The following SCD5 variants were observed in gnomAD, a reference collection of about 807,000 sequenced individuals.
SCD5 encodes acyl-CoA-desaturase 4.
Under a neutral mutation model 30.4 loss-of-function variants are expected in SCD5, and 20 were observed. The observed-to-expected ratio is 0.66, with a 90% CI of 0.46 to 0.96. SCD5 has a LOEUF of 0.96. Among genes scored for constraint, SCD5 ranks in the 40% least tolerant of loss-of-function variants. The probability of loss-of-function intolerance (pLI) is 0.00; values close to 1 mark genes in which losing one functional copy is unlikely to be tolerated. For synonymous variants in SCD5, 173 were observed against 176.4 expected (o/e 0.98, Z 0.16); for missense variants, 381 against 443.3 (o/e 0.86, Z 1.26).
chr4:82,707,648 C>G (rs1302240466), intron 1 of SCD5, among the ~76,000 whole-genome samples: 1 of 152,186 alleles, frequency 6.6e-6, no homozygotes, highest in Non-Finnish European at 1.5e-5. Context: ...GTTGGGGAGG[C>G]CCATGTGGCA....
intron 3 of SCD5, among the ~76,000 whole-genome samples, chr4:82,665,453 C>T (rs955737593): frequency 1.3e-5 from 2 of 151,282 alleles, no homozygotes; most frequent in African/African-American, 4.9e-5. Context: ...AAGTCAGTGA[C>T]AAAAAAGGAA....
At chr4:82,765,057 T>C (rs919794071) in intron 1 of SCD5, among the ~76,000 whole-genome samples, 2 of 152,234 alleles carry the variant, frequency 1.3e-5, no homozygotes, top group Non-Finnish European at 2.9e-5. Flanking sequence ...AAATTTATTT[T>C]ATATTTATCT....
At chr4:82,736,113 C>T (rs962117003) in intron 1 of SCD5, among the ~76,000 whole-genome samples, 1 of 151,082 alleles carries the variant, frequency 6.6e-6, no homozygotes, top group Non-Finnish European at 1.5e-5. Flanking sequence ...TAGCGAAACA[C>T]CATCTCTACA....
intron 3 of SCD5, among the ~76,000 whole-genome samples, chr4:82,648,669 G>A (rs2148814172): frequency 6.6e-6 from 1 of 152,240 alleles, no homozygotes; most frequent in South Asian, 2.1e-4. Flanking sequence ...TTAATTTCAG[G>A]TCTACCCTGA....
At chr4:82,752,652 C>T (rs1039175075) in intron 1 of SCD5, among the ~76,000 whole-genome samples, 1 of 152,174 alleles carries the variant, frequency 6.6e-6, no homozygotes, top group African/African-American at 2.4e-5. Context: ...TGTCCCCTCA[C>T]CAAAACTGGA....
chr4:82,703,020 A>G (rs1171659986), intron 2 of SCD5, among the ~76,000 whole-genome samples: 2 of 152,220 alleles, frequency 1.3e-5, no homozygotes, highest in Non-Finnish European at 2.9e-5. Flanking sequence ...CAGGTCCATG[A>G]AACACTGAAA....
In SCD5 at chr4:82,631,816, C is replaced by A. The variant is rs143222754; in HGVS notation, c.803-299G>T. Reference sequence around the variant, plus strand: ...AAATGCTAAATGGCTGATAACAGATCATCGTTTTGATGTACAACTGTTTTT... The same window carrying A: ...AAATGCTAAATGGCTGATAACAGATAATCGTTTTGATGTACAACTGTTTTT... On this transcript the variant is annotated intron_variant, in intron 4 of 4. Coordinates refer to ENST00000319540, the MANE Select transcript of SCD5 (RefSeq NM_001037582.3). Among the ~76,000 whole-genome samples the A allele has an allele frequency of 3.8e-3, 577 of 152,200 alleles. 4 individuals are homozygous for A. Among genetic ancestry groups the A allele is most frequent in the African/African-American group, 0.013 (556 of 41,540 alleles).
At chr4:82,738,981 G>A (rs760477398) in intron 1 of SCD5, among the ~76,000 whole-genome samples, 2 of 152,262 alleles carry the variant, frequency 1.3e-5, no homozygotes, top group Admixed American at 6.5e-5. Context: ...GCCTCTCAGA[G>A]GATGGGCAAA....
chr4:82,786,779 C>T (rs912730031), intron 1 of SCD5, among the ~76,000 whole-genome samples: 3 of 129,218 alleles, frequency 2.3e-5, no homozygotes, highest in Non-Finnish European at 4.8e-5. Context: ...GGGACAAGAG[C>T]GAGACTTTGC....
chr4:82,694,333 G>A (rs960735450), intron 2 of SCD5, among the ~76,000 whole-genome samples: 7 of 152,174 alleles, frequency 4.6e-5, no homozygotes, highest in South Asian at 2.1e-4. Context: ...TCTGCTGGGC[G>A]GAGGGGCCAC....
intron 1 of SCD5, among the ~76,000 whole-genome samples, chr4:82,736,198 C>T (rs528753422): frequency 8.8e-4 from 132 of 149,832 alleles, no homozygotes; most frequent in African/African-American, 2.9e-3. Context: ...TGAGGTGGGA[C>T]GATCACTTGA....
chr4:82,691,177 C>A (rs1470362990), intron 2 of SCD5, among the ~76,000 whole-genome samples: 1 of 152,182 alleles, frequency 6.6e-6, no homozygotes, highest in Non-Finnish European at 1.5e-5. Context: ...AGGCACTCAC[C>A]ACCACACCCA....
chr4:82,729,394 G>A lies in SCD5; in HGVS notation c.233-23981C>T, dbSNP rs562962771. Among the ~76,000 whole-genome samples the A allele has an allele frequency of 3.9e-5, 6 of 152,170 alleles. 1 individual carries two copies. In the South Asian group the frequency reaches 1.0e-3, roughly 26 times the overall value. The stretch of plus-strand genomic sequence containing the variant: ...TGGGCTGGTGAGGATTATAGTCAGC[G>A]ATGCTTTCTTGTGTTTACACCTTGA... On this transcript the variant is annotated intron_variant, in intron 1 of 4. Transcript: ENST00000319540.
chr4:82,646,554 T>G (rs1727637786), intron 3 of SCD5, among the ~76,000 whole-genome samples: 1 of 152,216 alleles, frequency 6.6e-6, no homozygotes, highest in Non-Finnish European at 1.5e-5. Flanking sequence ...GATTGCTTTG[T>G]TTGAAGTATT....
At chr4:82,771,119 A>G (rs1452916269) in intron 1 of SCD5, among the ~76,000 whole-genome samples, 1 of 152,110 alleles carries the variant, frequency 6.6e-6, no homozygotes, top group African/African-American at 2.4e-5. Flanking sequence ...GGTGCGCACC[A>G]CCATGCCTGG....
chr4:82,798,180 G>A (rs1722270279), intron 1 of SCD5, 126 bp downstream of exon 1: 2 of 1,041,704 alleles, frequency 1.9e-6, no homozygotes, highest in African/African-American at 3.4e-5. Context: ...GGCGCGCAGC[G>A]GGAGGCGAGG....
intron 1 of SCD5, among the ~76,000 whole-genome samples, chr4:82,711,116 G>T (rs1720075439): frequency 6.6e-6 from 1 of 152,102 alleles, no homozygotes; most frequent in African/African-American, 2.4e-5. Context: ...ACCGTGCCTG[G>T]CAAGCAGTAA....
At chr4:82,689,039 G>A (rs1246899600) in intron 2 of SCD5, among the ~76,000 whole-genome samples, 2 of 151,106 alleles carry the variant, frequency 1.3e-5, no homozygotes, top group Non-Finnish European at 2.9e-5. Flanking sequence ...TATTCCATGA[G>A]TTAAAAATTG....
intron 1 of SCD5, among the ~76,000 whole-genome samples, chr4:82,731,215 T>C (rs1326622314): frequency 6.6e-6 from 1 of 152,198 alleles, no homozygotes; most frequent in Non-Finnish European, 1.5e-5. Flanking sequence ...GGTAGCCAGC[T>C]GGTTGTAGCT....
Sources: gnomAD v4.1 joint callset for allele counts (sites outside exome capture counted in the v4.1 genomes callset) on GRCh38, gnomAD v4.1.1 for gene constraint, MANE v1.5 for transcripts, NCBI Gene and HGNC (gene_info 2026-07-23, HGNC 2026-07-21) for gene names.